Variants in KIF15 observed in about 807,000 individuals in gnomAD.
KIF15 encodes the protein kinesin-like protein KIF15.
In KIF15, 140 loss-of-function variants were observed where a neutral mutation model predicts 190.6. The observed-to-expected ratio is 0.73, with a 90% CI of 0.64 to 0.84. KIF15 has a LOEUF of 0.84. Ranked by LOEUF, KIF15 falls within the 40% of genes least tolerant of loss-of-function variation. The pLI is 0.00. For missense variants in KIF15, 1,372 were observed against 1,584.4 expected (o/e 0.87, Z 2.28); for synonymous variants, 528 against 551.3 (o/e 0.96, Z 0.59).
chr3:44,806,131 A>G (rs1244903399), intron 16 of KIF15, 145 bp downstream of exon 16: 2 of 839,026 alleles, frequency 2.4e-6, no homozygotes, highest in Non-Finnish European at 3.6e-6. Flanking sequence ...TCTTTGGGTT[A>G]CTGCTAGCAA....
At chr3:44,762,964 G>A (rs1575564470) in intron 1 of KIF15, among the ~76,000 whole-genome samples, 8 of 152,180 alleles carry the variant, frequency 5.3e-5, no homozygotes, top group East Asian at 1.9e-4. Flanking sequence ...ACTAAATCTG[G>A]ACTCAAGCAA....
Position 44,774,369 on chromosome 3 carries a change from C to A in KIF15, c.20-26C>A, listed in dbSNP as rs1425117812. ...GATTTCCATATTACAATTTAAATGACCTTTAATAACTTTTTTTTTTTCTAG... is the reference window on the plus strand; with the variant it reads ...GATTTCCATATTACAATTTAAATGAACTTTAATAACTTTTTTTTTTTCTAG... On this transcript the variant is annotated intron_variant, in intron 1 of 34. Coordinates refer to ENST00000326047, the MANE Select transcript of KIF15 (RefSeq NM_020242.3). The A allele has an allele frequency of 3.7e-6, 6 of 1,603,338 alleles. 1 individual carries two copies. The South Asian group carries it at 4.4e-5, about 12-fold the overall frequency.
At chr3:44,857,508 C>G (rs1463563419), downstream of KIF15, among the ~76,000 whole-genome samples, 1 of 152,122 alleles carries the variant, frequency 6.6e-6, no homozygotes, top group Non-Finnish European at 1.5e-5. Flanking sequence ...TGCACTTTGG[C>G]TGTGTGTAAT....
chr3:44,811,098 G>A, intron 17 of KIF15, 55 bp downstream of exon 17: 1 of 1,341,432 alleles, frequency 7.5e-7, no homozygotes, highest in Non-Finnish European at 1.0e-6. Flanking sequence ...AAATACATTT[G>A]CTTTGTTATT....
At position 44,815,026 on chromosome 3, in the gene KIF15, CA is replaced by C. The variant is rs767395820; in HGVS notation, c.2502del (p.Lys834AsnfsTer13). 1.2e-6 allele frequency: 2 copies of C among 1,611,528 alleles called. No individual in the cohort carries two copies. Among genetic ancestry groups the C allele is most frequent in the Non-Finnish European group, 1.7e-6 (2 of 1,179,236 alleles). On this transcript the variant is annotated frameshift_variant, in exon 20 of 35. Transcript: ENST00000326047. LOFTEE classifies it high-confidence loss of function. Reference sequence around the variant, plus strand: ...AAACGAATCAGGAGAAAGAATTCAACAAACTTTCCGAAAGACACATGCATGT... The same window carrying C: ...AAACGAATCAGGAGAAAGAATTCAACAACTTTCCGAAAGACACATGCATGT... ...FKTNQEKEFN[K>X]LSERHMHVQL...
At chr3:44,865,084 G>A in intron 6 of KIF15, 1 of 1,614,172 alleles carries the variant, frequency 6.2e-7, no homozygotes. Flanking sequence ...AGGAGGTCTT[G>A]TGGTGGGGAG....
intron 28 of KIF15, 130 bp downstream of exon 28, chr3:44,840,586 T>C (rs1207342925): frequency 1.6e-6 from 1 of 606,474 alleles, no homozygotes; most frequent in Non-Finnish European, 2.9e-6. Flanking sequence ...TCTGTCTGCT[T>C]TTTACTTGAT....
rs1259590730 is a variant in KIF15 at position 44,801,860 on chromosome 3, T to A, written c.1395T>A (p.Asp465Glu). ...AAATGATTGTGAAATTCCGAGAGGA[T>A]CAAATAATACGCTTGGAAAAGCTCC... Reference protein sequence around the residue: ...SNKMIVKFREDQIIRLEKLHK... With the variant: ...SNKMIVKFREEQIIRLEKLHK... Residue 465 changes from aspartate to glutamate, a missense_variant, in exon 13 of 35, where the codon GAT (aspartate) becomes GAA (glutamate). Physicochemically the swap from Asp to Glu is conservative, Grantham distance 45. Transcript: ENST00000326047. 2 of 1,612,796 alleles carry A rather than the reference T, an allele frequency of 1.2e-6. No individual in the cohort carries two copies.
Position 44,826,134 on chromosome 3 carries a change from C to T in KIF15, c.2645C>T (p.Ser882Leu). 2 of 1,585,992 alleles carry T rather than the reference C, an allele frequency of 1.3e-6. No homozygotes were observed. The highest frequency in any genetic ancestry group is 1.7e-6 in the Non-Finnish European group (2 of 1,173,090). ...EIMKFEIDQL[S>L]RNLQNFKKEN... ...ATGAAATTTGAGATTGACCAACTTT[C>T]AAGAAACCTCCAAAACTTCAAAAAA... The change falls in exon 21 of 35, where the codon TCA becomes TTA. Residue 882 changes from serine (S) to leucine (L), a missense_variant. Transcript: ENST00000326047.
rs756725048 is a variant in KIF15, at chr3:44,852,661, A to T, written c.4105-12A>T. ...TTATTTTTTTTCTTTTTGTTTTTTT[A>T]AAATTACTTAGGAGACAGAAAAGTT... On this transcript the variant is annotated splice_polypyrimidine_tract_variant and intron_variant, in intron 34 of 34. Coordinates refer to ENST00000326047, the MANE Select transcript of KIF15 (RefSeq NM_020242.3). 21 of 1,556,530 alleles carry T rather than the reference A, an allele frequency of 1.3e-5. No individual in the cohort carries two copies. The Admixed American group carries it at 1.6e-4, about 12-fold the overall frequency.
At chr3:44,809,076 C>T (rs1707661495) in intron 16 of KIF15, among the ~76,000 whole-genome samples, 1 of 152,158 alleles carries the variant, frequency 6.6e-6, no homozygotes, top group Non-Finnish European at 1.5e-5. Context: ...GTGCCCTGTT[C>T]CCGCAGCATA....
At chr3:44,792,190 A>G (rs1166735454) in intron 7 of KIF15, among the ~76,000 whole-genome samples, 1 of 152,122 alleles carries the variant, frequency 6.6e-6, no homozygotes, top group Non-Finnish European at 1.5e-5. Flanking sequence ...TAACAGATAC[A>G]AATAGCTGGG....
At chr3:44,836,361 T>A (rs77568017) in intron 26 of KIF15, among the ~76,000 whole-genome samples, 8,821 of 151,446 alleles carry the variant, frequency 0.058, 266 homozygotes, top group Middle Eastern at 0.086. Flanking sequence ...TCTAAAAAAA[T>A]AAATAAATAA....
downstream of KIF15, among the ~76,000 whole-genome samples, chr3:44,856,468 T>C (rs537342384): frequency 3.9e-5 from 6 of 152,154 alleles, no homozygotes; most frequent in East Asian, 1.2e-3. Flanking sequence ...GGTTATGAAA[T>C]GACGATAGAA....
chr3:44,776,264 G>A (rs1270134436), intron 3 of KIF15, among the ~76,000 whole-genome samples: 19 of 147,938 alleles, frequency 1.3e-4, no homozygotes, highest in African/African-American at 4.7e-4. Context: ...CCCCCACTAA[G>A]TGATAGGAAA....
chr3:44,859,751 G>A (rs1016313870), intron 6 of KIF15, among the ~76,000 whole-genome samples: 5 of 152,170 alleles, frequency 3.3e-5, no homozygotes, highest in Admixed American at 6.5e-5. Flanking sequence ...GCTTCAGCCT[G>A]GGAGCTCAAG....
intron 26 of KIF15, among the ~76,000 whole-genome samples, chr3:44,834,722 A>T (rs563623666): frequency 6.6e-6 from 1 of 151,816 alleles, no homozygotes; most frequent in Non-Finnish European, 1.5e-5. Flanking sequence ...CAGGAGATCG[A>T]GACCATCCTG....
At chr3:44,802,714 T>C in intron 13 of KIF15, 100 bp from the exon 14 acceptor site, 1 of 1,174,524 alleles carries the variant, frequency 8.5e-7, no homozygotes, top group Non-Finnish European at 1.2e-6. Context: ...CCACCAGTAG[T>C]GCATGTGCAT....
rs186126982 is a variant in KIF15, at chr3:44,825,982, T to A, written c.2550-57T>A. ...ATAAATTGAACTGCAGATGATCTGA[T>A]TAATAGAAATACATTAAATGTTTAT... On this transcript the variant is annotated intron_variant, in intron 20 of 34. Coordinates refer to ENST00000326047, the MANE Select transcript of KIF15 (RefSeq NM_020242.3). 9.5e-5 allele frequency: 138 copies of A among 1,447,552 alleles called. 1 individual carries two copies. The African/African-American group carries it at 1.4e-3, about 15-fold the overall frequency. The allele number at this position is 1,447,552 out of a possible 1,614,324, so 89.7% of individuals were successfully genotyped here.
Sources: gnomAD v4.1 joint callset for allele counts (sites outside exome capture counted in the v4.1 genomes callset) on GRCh38, gnomAD v4.1.1 for gene constraint, MANE v1.5 for transcripts, NCBI Gene and HGNC (gene_info 2026-07-23, HGNC 2026-07-21) for gene names.